The following DPP6 variants were observed in gnomAD, a reference collection of about 807,000 sequenced individuals.
DPP6 encodes dipeptidyl peptidase like 6, also known as A-type potassium channel modulatory protein DPP6.
DPP6 carries 69 observed loss-of-function variants against 122.6 expected under a neutral mutation model. The observed-to-expected ratio is 0.56, with a 90% confidence interval of 0.46 to 0.69. The LOEUF is 0.69. DPP6 is among the 30% of genes least tolerant of loss of function. The probability of loss-of-function intolerance (pLI) is 0.00; values close to 1 mark genes in which losing one functional copy is unlikely to be tolerated. For missense variants in DPP6, 928 were observed against 1,116.9 expected (o/e 0.83, Z 2.41); for synonymous variants, 418 against 433.1 (o/e 0.97, Z 0.43).
chr7:154,055,354 A>T (rs2533722), intron 1 of DPP6, among the ~76,000 whole-genome samples: 71,142 of 125,056 alleles, frequency 0.57, 20,763 homozygotes, highest in South Asian at 0.65. Flanking sequence ...TCCTCAGAAT[A>T]GGAAAAGTTA....
intron 1 of DPP6, among the ~76,000 whole-genome samples, chr7:154,398,308 C>A (rs755503740): frequency 3.3e-5 from 5 of 152,168 alleles, no homozygotes; most frequent in Non-Finnish European, 5.9e-5. Flanking sequence ...CCTAAGATCT[C>A]TCAACTAATT....
At chr7:154,463,334 T>A (rs531668306) in intron 2 of DPP6, among the ~76,000 whole-genome samples, 1 of 150,716 alleles carries the variant, frequency 6.6e-6, no homozygotes, top group South Asian at 2.1e-4. Context: ...CAGCCTCCCG[T>A]GTAGCTGGGA....
chr7:153,956,642 C>T (rs988920305), intron 1 of DPP6, among the ~76,000 whole-genome samples: 13 of 152,284 alleles, frequency 8.5e-5, no homozygotes, highest in Non-Finnish European at 1.5e-4. Flanking sequence ...ATCAGGCTGT[C>T]TTCAGCTGCT....
intron 3 of DPP6, among the ~76,000 whole-genome samples, chr7:154,507,165 G>T (rs1317253441): frequency 2.0e-5 from 3 of 152,214 alleles, no homozygotes; most frequent in East Asian, 3.8e-4. Context: ...TTGAGTGATG[G>T]AAGGCTCTTG....
chr7:154,830,978 C>T (rs1481179325), intron 16 of DPP6, among the ~76,000 whole-genome samples: 1 of 152,172 alleles, frequency 6.6e-6, no homozygotes, highest in Non-Finnish European at 1.5e-5. Context: ...TAGTTGTGAA[C>T]CTTCTCCAGG....
In DPP6 at chr7:154,650,708, C is replaced by T. The variant is rs57371656; in HGVS notation, c.680+12835C>T. ...GACACCCAAGGGCAGTGCTGACATGCAGCCTGCCACTGTGGCCACAGCACT... is the reference window on the plus strand; with the variant it reads ...GACACCCAAGGGCAGTGCTGACATGTAGCCTGCCACTGTGGCCACAGCACT... On this transcript the variant is annotated intron_variant, in intron 6 of 25. Transcript: ENST00000377770. Among the ~76,000 whole-genome samples, 2,420 of 152,216 alleles carry T rather than the reference C, an allele frequency of 0.016. 95 individuals are homozygous for T. The East Asian group carries it at 0.18, about 11-fold the overall frequency.
rs562536813 is a variant in DPP6 at position 154,077,123 on chromosome 7, T to C, written c.243+24060T>C. ...TTTCATGTGTTTGCACTAAAAATAA[T>C]GTTTGCTTCTAAGAATGTTCCTATT... On this transcript the variant is annotated intron_variant, in intron 1 of 25. Coordinates refer to ENST00000377770, the MANE Select transcript of DPP6 (RefSeq NM_130797.4). Among the ~76,000 whole-genome samples the C allele has an allele frequency of 3.2e-3, 494 of 152,322 alleles. 7 individuals carry two copies. Among genetic ancestry groups the C allele is most frequent in the Admixed American group, 0.02 (301 of 15,304 alleles).
intron 1 of DPP6, among the ~76,000 whole-genome samples, chr7:153,907,426 G>A (rs1470114051): frequency 6.6e-6 from 1 of 152,216 alleles, no homozygotes; most frequent in Non-Finnish European, 1.5e-5. Flanking sequence ...GAGATTAGAA[G>A]TTGTATTGGT....
At chr7:154,445,135 ATATATT>A (rs1819747974) in intron 1 of DPP6, among the ~76,000 whole-genome samples, 2 of 152,172 alleles carry the variant, frequency 1.3e-5, no homozygotes, top group African/African-American at 4.8e-5. Context: ...TTTGATGAAA[ATATATT>A]TATGTATTGC....
At chr7:154,003,991 G>A (rs546336886) in intron 1 of DPP6, among the ~76,000 whole-genome samples, 1 of 152,200 alleles carries the variant, frequency 6.6e-6, no homozygotes, top group Non-Finnish European at 1.5e-5. Context: ...GAACCATGAA[G>A]AATTGAGGCC....
intron 1 of DPP6, among the ~76,000 whole-genome samples, chr7:154,341,524 G>C (rs1231497103): frequency 6.6e-6 from 1 of 151,836 alleles, no homozygotes; most frequent in African/African-American, 2.4e-5. Flanking sequence ...TTTACTTCTT[G>C]ACTGTCCAAA....
At chr7:153,957,106 GTGA>G (rs1486247571) in intron 1 of DPP6, among the ~76,000 whole-genome samples, 1 of 152,190 alleles carries the variant, frequency 6.6e-6, no homozygotes, top group Non-Finnish European at 1.5e-5. Context: ...CCTGCCACTG[GTGA>G]TGTTCTATCA....
chr7:153,845,183 A>G, the DPP6 span, among the ~76,000 whole-genome samples: 1 of 152,166 alleles, frequency 6.6e-6, no homozygotes, highest in African/African-American at 2.4e-5. Flanking sequence ...TCTTATATTA[A>G]GAATGCTTAT....
intron 5 of DPP6, among the ~76,000 whole-genome samples, chr7:154,598,933 T>A (rs1017398121): frequency 2.0e-5 from 3 of 152,198 alleles, no homozygotes; most frequent in Non-Finnish European, 4.4e-5. Context: ...GGTGTTCCCA[T>A]GGACCTTGGG....
the DPP6 span, among the ~76,000 whole-genome samples, chr7:153,801,761 A>G: frequency 6.6e-6 from 1 of 152,224 alleles, no homozygotes; most frequent in South Asian, 2.1e-4. Context: ...AAGAAAGTAC[A>G]TAAACAAAAA....
intron 19 of DPP6, among the ~76,000 whole-genome samples, chr7:154,872,973 T>C (rs1194406451): frequency 6.6e-6 from 1 of 152,186 alleles, no homozygotes; most frequent in Non-Finnish European, 1.5e-5. Context: ...CGTAGTGGCA[T>C]TTTGCATGAC....
intron 1 of DPP6, among the ~76,000 whole-genome samples, chr7:154,159,397 T>A (rs796737616): frequency 1.3e-5 from 2 of 152,026 alleles, no homozygotes; most frequent in South Asian, 4.2e-4. Flanking sequence ...ATTTTTACCT[T>A]TTTTTTCATT....
At chr7:154,721,444 C>G (rs977526329) in intron 7 of DPP6, among the ~76,000 whole-genome samples, 1 of 152,110 alleles carries the variant, frequency 6.6e-6, no homozygotes, top group Admixed American at 6.6e-5. Flanking sequence ...AAAGATTAAG[C>G]GAGTTAATGC....
chr7:153,762,973 A>G, the DPP6 span, among the ~76,000 whole-genome samples: 194 of 152,218 alleles, frequency 1.3e-3, 3 homozygotes, highest in East Asian at 0.032. Context: ...AGAGATTACA[A>G]TGAGAATTTG....
Sources: gnomAD v4.1 joint callset for allele counts (sites outside exome capture counted in the v4.1 genomes callset) on GRCh38, gnomAD v4.1.1 for gene constraint, MANE v1.5 for transcripts, NCBI Gene and HGNC (gene_info 2026-07-23, HGNC 2026-07-21) for gene names.